TENM4: variants seen among roughly 807,000 people sequenced by gnomAD.
The protein encoded by TENM4 is teneurin transmembrane protein 4, also known as teneurin-4.
Under a neutral mutation model 243.3 loss-of-function variants are expected in TENM4, and 82 were observed. The ratio of observed to expected loss-of-function variants is 0.34; its 90% CI spans 0.28 to 0.40. The LOEUF is 0.40. Ranked by LOEUF, TENM4 falls within the 10% of genes least tolerant of loss-of-function variation. The pLI, the probability that TENM4 is intolerant of heterozygous loss-of-function variation, is 1.00. For synonymous variants in TENM4, 1,412 were observed against 1,456.3 expected (o/e 0.97, Z 0.69); for missense variants, 3,138 against 3,673.3 (o/e 0.85, Z 3.77).
intron 6 of TENM4, among the ~76,000 whole-genome samples, chr11:78,954,899 G>A (rs1180975210): frequency 1.1e-4 from 16 of 152,220 alleles, no homozygotes; most frequent in African/African-American, 2.9e-4. Flanking sequence ...CTAGAAAGCC[G>A]AAGAACCAAC....
intron 4 of TENM4, among the ~76,000 whole-genome samples, chr11:79,113,052 G>A (rs1861540021): frequency 6.6e-6 from 1 of 152,146 alleles, no homozygotes; most frequent in Non-Finnish European, 1.5e-5. Context: ...CAAAGTGAAG[G>A]ACCCTCTCAG....
At chr11:78,892,932 C>T (rs1855702384) in intron 7 of TENM4, among the ~76,000 whole-genome samples, 1 of 152,214 alleles carries the variant, frequency 6.6e-6, no homozygotes, top group Non-Finnish European at 1.5e-5. Flanking sequence ...TGGCTACTGC[C>T]CCTGGTCAGC....
Position 79,395,438 on chromosome 11 carries a change from A to G in TENM4, c.-321+45071T>C, listed in dbSNP as rs138654303. On this transcript the variant is annotated intron_variant, in intron 1 of 33. Coordinates refer to ENST00000278550, the MANE Select transcript of TENM4 (RefSeq NM_001098816.3). ...AGTCTAGATGGAGGATACTTTGGACAAGAACTTGCCACCAGGAACACATTC... is the reference window on the plus strand; with the variant it reads ...AGTCTAGATGGAGGATACTTTGGACGAGAACTTGCCACCAGGAACACATTC... Among the ~76,000 whole-genome samples the G allele has an allele frequency of 1.7e-4, 26 of 152,330 alleles. No homozygotes were observed. The East Asian group carries it at 4.6e-3, about 27-fold the overall frequency.
chr11:79,366,967 T>C (rs1204870945), intron 1 of TENM4, among the ~76,000 whole-genome samples: 1 of 152,242 alleles, frequency 6.6e-6, no homozygotes, highest in African/African-American at 2.4e-5. Context: ...ATCAATATTT[T>C]CTTCCTCCTT....
chr11:78,950,677 G>A (rs1466420638), intron 6 of TENM4, among the ~76,000 whole-genome samples: 1 of 152,146 alleles, frequency 6.6e-6, no homozygotes, highest in East Asian at 1.9e-4. Context: ...ACGATAACTG[G>A]GCACTTTGCT....
intron 1 of TENM4, among the ~76,000 whole-genome samples, chr11:79,372,876 G>T (rs1159891200): frequency 2.6e-5 from 4 of 152,126 alleles, no homozygotes; most frequent in Non-Finnish European, 5.9e-5. Context: ...TAGCTGACTT[G>T]GACAAGGTGA....
chr11:78,985,496 A>G (rs1857896291), intron 6 of TENM4, among the ~76,000 whole-genome samples: 2 of 152,180 alleles, frequency 1.3e-5, no homozygotes, highest in South Asian at 4.1e-4. Flanking sequence ...GTTTAAAGCC[A>G]TTTTGATATT....
At chr11:79,200,418 C>T (rs537486853) in intron 3 of TENM4, among the ~76,000 whole-genome samples, 1 of 152,206 alleles carries the variant, frequency 6.6e-6, no homozygotes, top group Admixed American at 6.5e-5. Flanking sequence ...TAGTGTCCCC[C>T]AGGACATGCC....
chr11:79,070,085 C>A (rs2137002724), intron 4 of TENM4, 76 bp from the exon 5 acceptor site: 1 of 1,438,086 alleles, frequency 7.0e-7, no homozygotes, highest in Non-Finnish European at 9.1e-7. Flanking sequence ...CTGGATTCAC[C>A]CTTGCAGCCC....
intron 6 of TENM4, among the ~76,000 whole-genome samples, chr11:78,919,700 C>T (rs935400990): frequency 6.6e-6 from 1 of 152,110 alleles, no homozygotes; most frequent in African/African-American, 2.4e-5. Flanking sequence ...TCTAGCTGCG[C>T]TGATGGGAAA....
intron 2 of TENM4, among the ~76,000 whole-genome samples, chr11:79,286,079 A>G (rs1856245453): frequency 6.6e-6 from 1 of 152,226 alleles, no homozygotes; most frequent in Non-Finnish European, 1.5e-5. Flanking sequence ...CGTATGCAAG[A>G]AAGAGGCTAT....
At chr11:78,796,485 G>T (rs1278252016) in intron 15 of TENM4, among the ~76,000 whole-genome samples, 2 of 152,084 alleles carry the variant, frequency 1.3e-5, no homozygotes, top group African/African-American at 4.8e-5. Flanking sequence ...ATAACCTTTT[G>T]TAAAAGGCTC....
At position 79,431,760 on chromosome 11, in the gene TENM4, C is replaced by T. The variant is rs188720942; in HGVS notation, c.-321+8749G>A. 1.1e-4 allele frequency among the ~76,000 whole-genome samples: 17 copies of T among 152,126 alleles called. No individual in the cohort carries two copies. The East Asian group carries it at 3.3e-3, about 30-fold the overall frequency. On this transcript the variant is annotated intron_variant, in intron 1 of 33. Coordinates refer to ENST00000278550, the MANE Select transcript of TENM4 (RefSeq NM_001098816.3). ...GTCATACATTCAGTACGTGGCATAC[C>T]CAGGAAATGAACCCAGTCCTCTAGC...
intron 18 of TENM4, among the ~76,000 whole-genome samples, chr11:78,760,065 C>T (rs150411628): frequency 1.1e-3 from 171 of 152,280 alleles, no homozygotes; most frequent in African/African-American, 3.7e-3. Context: ...ATTTTCTCTC[C>T]GTCCCCTGAC....
intron 18 of TENM4, among the ~76,000 whole-genome samples, chr11:78,759,451 G>T (rs1402264055): frequency 6.6e-6 from 1 of 152,180 alleles, no homozygotes; most frequent in Non-Finnish European, 1.5e-5. Flanking sequence ...CAATTGAAGG[G>T]CCGTGAAAAG....
chr11:78,759,868 G>A (rs1792135), intron 18 of TENM4, among the ~76,000 whole-genome samples: 116,233 of 152,126 alleles, frequency 0.76, 45,180 homozygotes, highest in Non-Finnish European at 0.84. Flanking sequence ...AAGCTGACTC[G>A]GAATCTGAAC....
At chr11:78,926,325 G>T (rs1408721062) in intron 6 of TENM4, among the ~76,000 whole-genome samples, 4 of 147,354 alleles carry the variant, frequency 2.7e-5, no homozygotes, top group African/African-American at 2.5e-5. Flanking sequence ...CGCCCAGGCT[G>T]GAGTGCAGTG....
intron 1 of TENM4, among the ~76,000 whole-genome samples, chr11:79,352,700 A>G (rs1565311464): frequency 6.6e-6 from 1 of 152,304 alleles, no homozygotes; most frequent in East Asian, 1.9e-4. Context: ...GTCCCATAGC[A>G]GCCTCCTCTC....
intron 2 of TENM4, among the ~76,000 whole-genome samples, chr11:79,264,027 G>A (rs539116464): frequency 1.3e-5 from 2 of 152,320 alleles, no homozygotes; most frequent in South Asian, 4.1e-4. Flanking sequence ...AGAGTCAACT[G>A]TAGTATCTTC....
Sources: gnomAD v4.1 joint callset for allele counts (sites outside exome capture counted in the v4.1 genomes callset) on GRCh38, gnomAD v4.1.1 for gene constraint, MANE v1.5 for transcripts, NCBI Gene and HGNC (gene_info 2026-07-23, HGNC 2026-07-21) for gene names.